GRM1: variants seen among roughly 807,000 people sequenced by gnomAD.
The protein encoded by GRM1 is glutamate metabotropic receptor 1, also known as metabotropic glutamate receptor 1.
GRM1 carries 33 observed loss-of-function variants against 90.9 expected under a neutral mutation model. The ratio of observed to expected loss-of-function variants is 0.36; its 90% CI spans 0.28 to 0.49. GRM1 has a LOEUF of 0.49. Ranked by LOEUF, GRM1 falls within the 20% of genes least tolerant of loss-of-function variation. GRM1 has a pLI of 0.99. For synonymous variants in GRM1, 700 were observed against 613.2 expected (o/e 1.14, Z -2.09); for missense variants, 1,190 against 1,534.3 (o/e 0.78, Z 3.75).
chr6:146,385,328 C>A (rs540702558), intron 5 of GRM1, among the ~76,000 whole-genome samples: 1 of 151,998 alleles, frequency 6.6e-6, no homozygotes, highest in South Asian at 2.1e-4. Flanking sequence ...GTAACATCTT[C>A]AAAGCACTGA....
chr6:146,066,595 G>A (rs1287642355), intron 1 of GRM1, among the ~76,000 whole-genome samples: 2 of 152,128 alleles, frequency 1.3e-5, no homozygotes, highest in African/African-American at 4.8e-5. Flanking sequence ...TGGGTTGAAT[G>A]GTAGTTGAAC....
chr6:146,218,585 TA>T (rs2114668885), intron 2 of GRM1, among the ~76,000 whole-genome samples: 1 of 152,212 alleles, frequency 6.6e-6, no homozygotes, highest in African/African-American at 2.4e-5. Flanking sequence ...GAGACATAAA[TA>T]AATTAGTTCC....
At chr6:146,061,804 C>G (rs891568857) in intron 1 of GRM1, among the ~76,000 whole-genome samples, 1 of 152,082 alleles carries the variant, frequency 6.6e-6, no homozygotes, top group Non-Finnish European at 1.5e-5. Context: ...GATACCATCT[C>G]ATGCCAGTTA....
intron 2 of GRM1, among the ~76,000 whole-genome samples, chr6:146,270,912 TCTTC>T (rs35931210): frequency 0.067 from 5,687 of 85,014 alleles, 460 homozygotes; most frequent in Non-Finnish European, 0.081. Flanking sequence ...TTTCTTTCTT[TCTTC>T]CTTCCTTCCT....
chr6:146,380,692 A>G (rs993984507), intron 5 of GRM1, among the ~76,000 whole-genome samples: 9 of 152,008 alleles, frequency 5.9e-5, no homozygotes, highest in African/African-American at 2.2e-4. Flanking sequence ...AAGCAGAAGG[A>G]GTTTTGCCCC....
Position 146,201,010 on chromosome 6 carries a change from G to A in GRM1, c.950+41413G>A, listed in dbSNP as rs576669519. Among the ~76,000 whole-genome samples the A allele has an allele frequency of 2.6e-5, 4 of 152,262 alleles. No individual in the cohort carries two copies. The South Asian group carries it at 8.3e-4, about 32-fold the overall frequency. On this transcript the variant is annotated intron_variant, in intron 2 of 7. Coordinates refer to ENST00000282753, the MANE Select transcript of GRM1 (RefSeq NM_001278064.2). ...CCCCATGTCTCAGGGCAGACATGGT[G>A]GTGGTTCTGTGTTCCCACCAGAGAT...
chr6:146,427,609 G>A (rs1778258020), intron 7 of GRM1, among the ~76,000 whole-genome samples: 1 of 152,202 alleles, frequency 6.6e-6, no homozygotes, highest in South Asian at 2.1e-4. Context: ...GAAGTCTGTT[G>A]TCTGCCTTTC....
chr6:146,429,354 C>T (rs1239623730), intron 7 of GRM1, among the ~76,000 whole-genome samples: 1 of 152,124 alleles, frequency 6.6e-6, no homozygotes, highest in Non-Finnish European at 1.5e-5. Context: ...TTCAGATAGG[C>T]CCCCAAGTTT....
chr6:146,060,432 G>A (rs867073910), intron 1 of GRM1, among the ~76,000 whole-genome samples: 1 of 152,042 alleles, frequency 6.6e-6, no homozygotes, highest in African/African-American at 2.4e-5. Context: ...CCTGGTGTCT[G>A]TTGTTCCTTT....
At chr6:146,185,382 C>G (rs1482374606) in intron 2 of GRM1, among the ~76,000 whole-genome samples, 3 of 152,166 alleles carry the variant, frequency 2.0e-5, no homozygotes, top group African/African-American at 7.2e-5. Flanking sequence ...AGCTGCCTAC[C>G]TTGAGGTTGA....
chr6:146,218,722 A>G (rs932177582), intron 2 of GRM1, among the ~76,000 whole-genome samples: 11 of 152,204 alleles, frequency 7.2e-5, no homozygotes, highest in African/African-American at 2.4e-4. Context: ...TACATCCACA[A>G]TTCCAGATAT....
At chr6:146,263,674 CTTGA>C (rs1446677747) in intron 2 of GRM1, among the ~76,000 whole-genome samples, 1 of 151,950 alleles carries the variant, frequency 6.6e-6, no homozygotes, top group Non-Finnish European at 1.5e-5. Context: ...CATTTTGTAG[CTTGA>C]TTATTTTGCA....
At chr6:146,242,040 C>T (rs1393194668) in intron 2 of GRM1, among the ~76,000 whole-genome samples, 2 of 151,960 alleles carry the variant, frequency 1.3e-5, no homozygotes, top group African/African-American at 4.8e-5. Flanking sequence ...TGAGCTGGGG[C>T]TGAAAAGGAA....
At chr6:146,404,351 G>A (rs1344842685) in intron 7 of GRM1, among the ~76,000 whole-genome samples, 3 of 152,024 alleles carry the variant, frequency 2.0e-5, no homozygotes, top group Admixed American at 1.3e-4. Flanking sequence ...TAAGAGGCAG[G>A]CCCTGACTGC....
At chr6:146,142,142 A>G (rs1776900970) in intron 1 of GRM1, among the ~76,000 whole-genome samples, 2 of 152,346 alleles carry the variant, frequency 1.3e-5, no homozygotes, top group South Asian at 4.1e-4. Flanking sequence ...TAGCTCCCGT[A>G]TAAGTACCAC....
intron 2 of GRM1, among the ~76,000 whole-genome samples, chr6:146,206,975 A>T (rs776317209): frequency 1.4e-4 from 21 of 152,204 alleles, no homozygotes; most frequent in Non-Finnish European, 2.4e-4. Context: ...CCCACAAAAG[A>T]CATGATCTCA....
chr6:146,366,658 A>G (rs1418643548), intron 5 of GRM1, among the ~76,000 whole-genome samples: 1 of 152,170 alleles, frequency 6.6e-6, no homozygotes, highest in East Asian at 1.9e-4. Context: ...TGTTTCTGCA[A>G]ATAACAGGAT....
chr6:146,403,978 C>G (rs1340703436), intron 7 of GRM1, among the ~76,000 whole-genome samples: 1 of 152,096 alleles, frequency 6.6e-6, no homozygotes, highest in Admixed American at 6.6e-5. Context: ...TCAAAATTCT[C>G]TCTTCTAACT....
At chr6:146,146,997 A>G (rs975923021) in intron 1 of GRM1, among the ~76,000 whole-genome samples, 1 of 152,220 alleles carries the variant, frequency 6.6e-6, no homozygotes, top group Non-Finnish European at 1.5e-5. Context: ...AAGAAGAGAC[A>G]AAAGGCTTAA....
Sources: gnomAD v4.1 joint callset for allele counts (sites outside exome capture counted in the v4.1 genomes callset) on GRCh38, gnomAD v4.1.1 for gene constraint, MANE v1.5 for transcripts, NCBI Gene and HGNC (gene_info 2026-07-23, HGNC 2026-07-21) for gene names.